CLTCL1: variants seen among roughly 807,000 people sequenced by gnomAD.
CLTCL1 encodes the protein clathrin heavy chain 2.
Under a neutral mutation model 190.0 loss-of-function variants are expected in CLTCL1, and 159 were observed. That is an observed-to-expected ratio of 0.84 (90% CI 0.74 to 0.95). The LOEUF is 0.95. Among genes scored for constraint, CLTCL1 ranks in the 40% least tolerant of loss-of-function variants. The pLI is 0.00. For synonymous variants in CLTCL1, 752 were observed against 769.6 expected, an observed-to-expected ratio of 0.98 and a Z score of 0.38; for missense variants, 1,878 against 2,033.4, an observed-to-expected ratio of 0.92 and a Z score of 1.47.
intron 1 of CLTCL1, among the ~76,000 whole-genome samples, chr22:19,278,319 C>A (rs539772805): frequency 6.6e-6 from 1 of 151,988 alleles, no homozygotes. Context: ...AAAATAAGAA[C>A]ATGGGGGTCA....
At chr22:19,203,687 A>AGGTGGC (rs1448814903) in intron 22 of CLTCL1, among the ~76,000 whole-genome samples, 10 of 151,876 alleles carry the variant, frequency 6.6e-5, no homozygotes, top group Admixed American at 1.3e-4. Context: ...TCTCCCACAC[A>AGGTGGC]GGTGGCGGCT....
rs781866683 is a variant in CLTCL1, at chr22:19,234,521, C to T, written c.1155G>A (p.Ala385=). The T allele has an allele frequency of 1.4e-5, 23 of 1,613,012 alleles. No individual in the cohort carries two copies. The highest frequency in any genetic ancestry group is 6.7e-5 in the East Asian group (3 of 44,866). ...GSYAEAAKVA[A]SAPKGILRTR... ...CAAGGTTTATCACCTTTGGTGCAGACGCTGCAACTTTGGCGGCTTCAGCAT... is the reference window on the plus strand; with the variant it reads ...CAAGGTTTATCACCTTTGGTGCAGATGCTGCAACTTTGGCGGCTTCAGCAT... Residue 385 remains alanine (A), a synonymous_variant, in exon 7 of 33, where the codon GCG becomes GCA. Coordinates refer to ENST00000427926, the MANE Select transcript of CLTCL1 (RefSeq NM_007098.4).
At chr22:19,272,376 G>A (rs1472209901) in intron 2 of CLTCL1, among the ~76,000 whole-genome samples, 11 of 152,210 alleles carry the variant, frequency 7.2e-5, no homozygotes, top group Admixed American at 6.5e-4. Flanking sequence ...GACGTGGGCT[G>A]AGTATCTCTG....
chr22:19,235,168 C>CTTTT, intron 6 of CLTCL1, among the ~76,000 whole-genome samples: 1 of 143,412 alleles, frequency 7.0e-6, no homozygotes, highest in African/African-American at 2.5e-5. Context: ...CTGTTCCCGA[C>CTTTT]TTTTTTTTTT....
intron 29 of CLTCL1, among the ~76,000 whole-genome samples, chr22:19,187,163 C>G (rs187511712): frequency 6.6e-5 from 10 of 151,602 alleles, no homozygotes; most frequent in Admixed American, 5.9e-4. Context: ...GGCTCAAGCA[C>G]TCCACCCACC....
intron 2 of CLTCL1, among the ~76,000 whole-genome samples, chr22:19,260,779 CAA>C (rs34267370): frequency 2.7e-3 from 151 of 56,932 alleles, no homozygotes; most frequent in African/African-American, 3.5e-3. Context: ...AACTCTGTCT[CAA>C]AAAAAAAAAA....
chr22:19,221,805 A>G, intron 16 of CLTCL1, 146 bp downstream of exon 16: 1 of 1,031,382 alleles, frequency 9.7e-7, no homozygotes, highest in Non-Finnish European at 1.4e-6. Flanking sequence ...AGGTCTTCAC[A>G]GTACCAATAG....
At chr22:19,230,321 C>T (rs2085882169) in intron 10 of CLTCL1, among the ~76,000 whole-genome samples, 2 of 152,116 alleles carry the variant, frequency 1.3e-5, no homozygotes, top group South Asian at 4.1e-4. Context: ...TCAGGCTGGT[C>T]TCGAACTCCC....
chr22:19,251,417 A>G (rs1293952953), intron 3 of CLTCL1, among the ~76,000 whole-genome samples: 1 of 152,176 alleles, frequency 6.6e-6, no homozygotes, highest in Non-Finnish European at 1.5e-5. Context: ...ATCTGCAAAT[A>G]GAGACAGCTT....
intron 22 of CLTCL1, among the ~76,000 whole-genome samples, chr22:19,203,476 C>G (rs2084959003): frequency 6.6e-6 from 1 of 152,204 alleles, no homozygotes; most frequent in Non-Finnish European, 1.5e-5. Flanking sequence ...GCAATCCACT[C>G]CAATCAGGCT....
rs797038825 is a variant in CLTCL1, at chr22:19,192,782, A to C, written c.4192-1347T>G. On this transcript the variant is annotated intron_variant, in intron 26 of 32. Coordinates refer to ENST00000427926, the MANE Select transcript of CLTCL1 (RefSeq NM_007098.4). ...AGCAGGGTCCCTAGTACCCGCCACC[A>C]TGGATTCAGAGCAAAACGGTGAACT... Among the ~76,000 whole-genome samples the C allele has an allele frequency of 5.3e-5, 8 of 152,326 alleles. 1 individual carries two copies. The highest frequency in any genetic ancestry group is 1.9e-4 in the African/African-American group (8 of 41,576).
chr22:19,189,533 A>T (rs2084423058), intron 27 of CLTCL1, among the ~76,000 whole-genome samples: 1 of 152,232 alleles, frequency 6.6e-6, no homozygotes, highest in Admixed American at 6.5e-5. Context: ...CTCATCCCTA[A>T]GAAGCAGCTC....
intron 2 of CLTCL1, among the ~76,000 whole-genome samples, chr22:19,254,838 G>A (rs807431): frequency 0.62 from 94,149 of 152,068 alleles, 29,362 homozygotes; most frequent in South Asian, 0.74. Context: ...ATTAATTTAA[G>A]TGTTAAACAG....
At chr22:19,196,000 A>C (rs1569156356) in intron 26 of CLTCL1, among the ~76,000 whole-genome samples, 1 of 152,248 alleles carries the variant, frequency 6.6e-6, no homozygotes, top group Non-Finnish European at 1.5e-5. Flanking sequence ...GCAGGGCCAC[A>C]GGGCCACGGC....
At chr22:19,195,420 C>T (rs1354005361) in intron 26 of CLTCL1, among the ~76,000 whole-genome samples, 2 of 152,200 alleles carry the variant, frequency 1.3e-5, no homozygotes, top group African/African-American at 4.8e-5. Context: ...AGGCTGAAGG[C>T]CTCACCTGGC....
chr22:19,246,476 TTTTC>T (rs2086423498), intron 3 of CLTCL1, among the ~76,000 whole-genome samples: 1 of 144,584 alleles, frequency 6.9e-6, no homozygotes, highest in South Asian at 2.1e-4. Flanking sequence ...CCAACACTTC[TTTTC>T]TTTTCTTTTT....
chr22:19,246,608 C>G (rs2086428720), intron 3 of CLTCL1, among the ~76,000 whole-genome samples: 1 of 152,092 alleles, frequency 6.6e-6, no homozygotes, highest in Non-Finnish European at 1.5e-5. Flanking sequence ...TCCGGAGTAG[C>G]TGGGATTAAA....
chr22:19,188,081 A>C lies in CLTCL1; in HGVS notation c.4334T>G (p.Leu1445Arg). Reference sequence around the variant, plus strand: ...CCGCAGGTAAGGCTTCACCAGGGGCAGCTGACCTGCCTGACAAGTTGAGGG... The same window carrying C: ...CCGCAGGTAAGGCTTCACCAGGGGCCGCTGACCTGCCTGACAAGTTGAGGG... ...TVSFFSKAGQ[L>R]PLVKPYLRSV... The change falls in exon 28 of 33, where the codon CTG (leucine) becomes CGG (arginine). Residue 1445 changes from leucine to arginine, a missense_variant. Transcript: ENST00000427926. 1 of 1,614,024 alleles carries C rather than the reference A, an allele frequency of 6.2e-7. No homozygotes were observed. The highest frequency in any genetic ancestry group is 8.5e-7 in the Non-Finnish European group (1 of 1,179,866).
chr22:19,224,969 T>C (rs2085693557), intron 13 of CLTCL1, among the ~76,000 whole-genome samples: 4 of 152,118 alleles, frequency 2.6e-5, no homozygotes, highest in Admixed American at 1.3e-4. Flanking sequence ...TGGTGTGATG[T>C]CCAAGAAGGG....
Sources: gnomAD v4.1 joint callset for allele counts (sites outside exome capture counted in the v4.1 genomes callset) on GRCh38, gnomAD v4.1.1 for gene constraint, MANE v1.5 for transcripts, NCBI Gene and HGNC (gene_info 2026-07-23, HGNC 2026-07-21) for gene names.